Variants in RGS7 observed in about 807,000 individuals in gnomAD.
The protein encoded by RGS7 is regulator of G-protein signaling 7.
A neutral mutation model predicts 81.1 loss-of-function variants in RGS7; 27 were observed. The ratio of observed to expected loss-of-function variants is 0.33; its 90% CI spans 0.25 to 0.46. RGS7 has a LOEUF of 0.46. Among genes scored for constraint, RGS7 ranks in the 20% least tolerant of loss-of-function variants. The probability of loss-of-function intolerance (pLI) is 1.00; values close to 1 mark genes in which losing one functional copy is unlikely to be tolerated. For synonymous variants in RGS7, 208 were observed against 207.7 expected, an observed-to-expected ratio of 1.00 and a Z score of -0.01; for missense variants, 396 against 607.4, an observed-to-expected ratio of 0.65 and a Z score of 3.66.
chr1:241,252,578 G>C (rs944064488), intron 2 of RGS7, among the ~76,000 whole-genome samples: 2 of 152,114 alleles, frequency 1.3e-5, no homozygotes, highest in Non-Finnish European at 2.9e-5. Flanking sequence ...AACCTGTAGA[G>C]AAATTCTATG....
At chr1:241,071,497 G>GTT (rs5782174) in intron 3 of RGS7, among the ~76,000 whole-genome samples, 24 of 142,886 alleles carry the variant, frequency 1.7e-4, no homozygotes, top group Middle Eastern at 3.6e-3. Flanking sequence ...ATGTTTAAGT[G>GTT]TTTTTTTTTT....
intron 2 of RGS7, among the ~76,000 whole-genome samples, chr1:241,302,684 A>G (rs921145163): frequency 3.9e-5 from 6 of 152,226 alleles, no homozygotes; most frequent in Non-Finnish European, 8.8e-5. Context: ...AAAGTAGAGA[A>G]AAATGATAGT....
chr1:240,832,150 T>C (rs1693964477), intron 9 of RGS7, among the ~76,000 whole-genome samples: 1 of 152,216 alleles, frequency 6.6e-6, no homozygotes, highest in African/African-American at 2.4e-5. Context: ...AATTGGTTTC[T>C]GCAGAGCTAA....
intron 9 of RGS7, among the ~76,000 whole-genome samples, chr1:240,864,713 A>G (rs1190815745): frequency 6.6e-6 from 1 of 152,234 alleles, no homozygotes; most frequent in Non-Finnish European, 1.5e-5. Flanking sequence ...TGGTGACCAC[A>G]TCAGCCTTAA....
chr1:241,346,454 T>A (rs1197545005), intron 2 of RGS7, among the ~76,000 whole-genome samples: 1 of 152,202 alleles, frequency 6.6e-6, no homozygotes, highest in Non-Finnish European at 1.5e-5. Context: ...ATTCACTCAT[T>A]TATCTAGAGA....
At chr1:240,994,768 A>G (rs1009209836) in intron 3 of RGS7, among the ~76,000 whole-genome samples, 1 of 152,004 alleles carries the variant, frequency 6.6e-6, no homozygotes, top group Non-Finnish European at 1.5e-5. Context: ...ACAACTACAT[A>G]TAAAGTAAAC....
chr1:241,352,492 T>G (rs2083306185), intron 2 of RGS7, among the ~76,000 whole-genome samples: 1 of 152,210 alleles, frequency 6.6e-6, no homozygotes, highest in South Asian at 2.1e-4. Context: ...AGGCAAATAA[T>G]TTGCCTATAA....
At chr1:240,787,748 A>G (rs1394075515) in intron 18 of RGS7, among the ~76,000 whole-genome samples, 1 of 152,222 alleles carries the variant, frequency 6.6e-6, no homozygotes, top group East Asian at 1.9e-4. Flanking sequence ...AAGGGTAAAG[A>G]GCCAACATAC....
At chr1:241,057,736 C>T (rs1452609788) in intron 3 of RGS7, among the ~76,000 whole-genome samples, 1 of 152,022 alleles carries the variant, frequency 6.6e-6, no homozygotes, top group Admixed American at 6.6e-5. Flanking sequence ...ATGGTGAAAC[C>T]CCGTCTCTAC....
At chr1:240,777,760 C>T (rs1394826994) in intron 18 of RGS7, among the ~76,000 whole-genome samples, 2 of 152,170 alleles carry the variant, frequency 1.3e-5, no homozygotes, top group Non-Finnish European at 2.9e-5. Flanking sequence ...AAATAAGCTC[C>T]CTGGGACCTA....
At chr1:241,051,826 C>T (rs1404601454) in intron 3 of RGS7, among the ~76,000 whole-genome samples, 1 of 152,172 alleles carries the variant, frequency 6.6e-6, no homozygotes, top group Non-Finnish European at 1.5e-5. Flanking sequence ...CTTATTCACT[C>T]CTTCTAACTG....
chr1:241,344,132 A>C (rs1006260742), intron 2 of RGS7, among the ~76,000 whole-genome samples: 3 of 152,222 alleles, frequency 2.0e-5, no homozygotes. Flanking sequence ...GGAAGTAGAA[A>C]TGAAACAAGA....
At chr1:240,793,365 C>T (rs1371217929) in intron 18 of RGS7, among the ~76,000 whole-genome samples, 2 of 151,930 alleles carry the variant, frequency 1.3e-5, no homozygotes, top group South Asian at 4.1e-4. Flanking sequence ...ATTGTTTTCT[C>T]AGGCAAGTTA....
Position 241,279,132 on chromosome 1 carries a change from T to C in RGS7, c.78+76567A>G, listed in dbSNP as rs371345904. Among the ~76,000 whole-genome samples the C allele has an allele frequency of 1.1e-3, 161 of 151,200 alleles. 1 individual carries two copies. Among genetic ancestry groups the C allele is most frequent in the Middle Eastern group, 3.5e-3 (1 of 286 alleles). On this transcript the variant is annotated intron_variant, in intron 2 of 18. Coordinates refer to ENST00000440928, the MANE Select transcript of RGS7 (RefSeq NM_001364886.1). ...AATTCTTCATAACATATATAATATA[T>C]ATAATATAACATATAACTTTATAAT...
At chr1:240,978,850 G>A (rs1369026779) in intron 4 of RGS7, among the ~76,000 whole-genome samples, 14 of 152,092 alleles carry the variant, frequency 9.2e-5, no homozygotes, top group Admixed American at 9.2e-4. Flanking sequence ...TAAACCCTCA[G>A]GAAAGCACTA....
chr1:241,165,443 T>C (rs1572955962), intron 2 of RGS7, among the ~76,000 whole-genome samples: 1 of 152,004 alleles, frequency 6.6e-6, no homozygotes, highest in Non-Finnish European at 1.5e-5. Flanking sequence ...TGGAATACTA[T>C]GCAGCCATAA....
At chr1:241,243,545 TG>T (rs1463441302) in intron 2 of RGS7, among the ~76,000 whole-genome samples, 1 of 152,142 alleles carries the variant, frequency 6.6e-6, no homozygotes, top group Non-Finnish European at 1.5e-5. Context: ...AATTAATGCT[TG>T]CAAGGAGGGG....
chr1:240,781,363 T>C (rs1684040945), intron 18 of RGS7, among the ~76,000 whole-genome samples: 1 of 152,202 alleles, frequency 6.6e-6, no homozygotes, highest in African/African-American at 2.4e-5. Context: ...CCCCGCACTT[T>C]GGGAGGCCAA....
chr1:240,836,917 G>A (rs545680463), intron 9 of RGS7, among the ~76,000 whole-genome samples: 4 of 152,228 alleles, frequency 2.6e-5, no homozygotes, highest in South Asian at 2.1e-4. Context: ...CTATTAATCT[G>A]CTCTAATTGA....
Sources: gnomAD v4.1 joint callset for allele counts (sites outside exome capture counted in the v4.1 genomes callset) on GRCh38, gnomAD v4.1.1 for gene constraint, MANE v1.5 for transcripts, NCBI Gene and HGNC (gene_info 2026-07-23, HGNC 2026-07-21) for gene names.